The following TRUB2 variants were observed in gnomAD, a reference collection of about 807,000 sequenced individuals.
TRUB2 encodes TruB pseudouridine synthase family member 2.
A neutral mutation model predicts 31.9 loss-of-function variants in TRUB2; 31 were observed. The ratio of observed to expected loss-of-function variants is 0.97; its 90% CI spans 0.73 to 1.31. The LOEUF (loss-of-function observed/expected upper bound fraction) is 1.31, where lower values mean the gene tolerates loss of function less well. Ranked by LOEUF, TRUB2 falls within the 50% of genes most tolerant of loss-of-function variation. The probability of loss-of-function intolerance (pLI) is 0.00; values close to 1 mark genes in which losing one functional copy is unlikely to be tolerated. For synonymous variants in TRUB2, 201 were observed against 182.6 expected, an observed-to-expected ratio of 1.10 and a Z score of -0.81; for missense variants, 451 against 439.6, an observed-to-expected ratio of 1.03 and a Z score of -0.23.
intron 6 of TRUB2, chr9:128,311,314 C>A: frequency 3.2e-6 from 2 of 630,670 alleles, no homozygotes; most frequent in Non-Finnish European, 5.5e-6. Context: ...CTCAGCAGGA[C>A]AGCTTGGTTC....
At chr9:128,311,915 A>G (rs982925807) in intron 5 of TRUB2, among the ~76,000 whole-genome samples, 2 of 145,652 alleles carry the variant, frequency 1.4e-5, no homozygotes, top group Non-Finnish European at 3.0e-5. Context: ...GGCTCACTGC[A>G]AGCTCCGCCT....
chr9:128,315,227 C>G (rs1832046341), intron 4 of TRUB2, among the ~76,000 whole-genome samples: 1 of 152,126 alleles, frequency 6.6e-6, no homozygotes, highest in African/African-American at 2.4e-5. Flanking sequence ...TCTTAAAGCC[C>G]TAACAACTAC....
At chr9:128,311,633 G>A in intron 5 of TRUB2, 32 bp from the exon 6 acceptor site, 1 of 1,611,210 alleles carries the variant, frequency 6.2e-7, no homozygotes, top group Non-Finnish European at 8.5e-7. Flanking sequence ...CAATGTACAG[G>A]TACCTGCTGA....
At chr9:128,310,120 G>A (rs540975519) in intron 7 of TRUB2, among the ~76,000 whole-genome samples, 1 of 152,032 alleles carries the variant, frequency 6.6e-6, no homozygotes, top group African/African-American at 2.4e-5. Context: ...TGGCAACAGG[G>A]TCTCATTCCA....
rs76404611 is a variant in TRUB2, at chr9:128,310,286, G to A, written c.671-411C>T. Among the ~76,000 whole-genome samples, 1,568 of 151,946 alleles carry A rather than the reference G, an allele frequency of 0.01. 53 individuals are homozygous for A. The East Asian group carries it at 0.11, about 10-fold the overall frequency. On this transcript the variant is annotated intron_variant, in intron 7 of 7. Coordinates refer to ENST00000372890, the MANE Select transcript of TRUB2 (RefSeq NM_015679.3). ...TTATTTTTTGTAGAGACAGGGTCTC[G>A]CCATCTTGCCCAGGTTAGAACCTGC...
intron 3 of TRUB2, chr9:128,316,395 G>GA (rs113735138): frequency 4.2e-4 from 60 of 144,478 alleles, no homozygotes; most frequent in East Asian, 1.0e-3. Flanking sequence ...TCTGTCTCAG[G>GA]AAAAAAAAAA....
At chr9:128,309,991 T>A in intron 7 of TRUB2, 116 bp from the exon 8 acceptor site, 1 of 1,132,122 alleles carries the variant, frequency 8.8e-7, no homozygotes, top group Non-Finnish European at 1.2e-6. Context: ...GCAAGACCCC[T>A]AAGCTCTCCA....
intron 5 of TRUB2, among the ~76,000 whole-genome samples, chr9:128,312,587 T>C (rs1384181396): frequency 6.7e-6 from 1 of 149,316 alleles, no homozygotes; most frequent in Non-Finnish European, 1.5e-5. Context: ...TGCACTACCA[T>C]GCCCGGCTAA....
At chr9:128,317,349 C>G (rs1832087669) in intron 2 of TRUB2, 123 bp from the exon 3 acceptor site, 1 of 839,086 alleles carries the variant, frequency 1.2e-6, no homozygotes, top group African/African-American at 1.7e-5. Context: ...TCAGGCCAGA[C>G]TCTCAGGCTT....
At chr9:128,318,933 G>C (rs534521402) in intron 2 of TRUB2, among the ~76,000 whole-genome samples, 236 of 152,140 alleles carry the variant, frequency 1.6e-3, no homozygotes, top group African/African-American at 5.4e-3. Context: ...TATAATCCCA[G>C]CACTTTGAGA....
chr9:128,321,939 T>A (rs1040583672), intron 1 of TRUB2, among the ~76,000 whole-genome samples: 1 of 152,184 alleles, frequency 6.6e-6, no homozygotes, highest in Non-Finnish European at 1.5e-5. Flanking sequence ...ACCACGATGC[T>A]GACCAGGAAT....
intron 4 of TRUB2, among the ~76,000 whole-genome samples, chr9:128,314,741 T>C (rs1832038832): frequency 6.6e-6 from 1 of 152,096 alleles, no homozygotes; most frequent in South Asian, 2.1e-4. Context: ...ATTTTTATAA[T>C]TTAAAAAAAT....
chr9:128,315,442 T>C, intron 4 of TRUB2, 125 bp downstream of exon 4: 1 of 870,682 alleles, frequency 1.1e-6, no homozygotes, highest in South Asian at 1.5e-5. Context: ...CAGCACACGA[T>C]CATCAAAAAA....
intron 3 of TRUB2, 132 bp from the exon 4 acceptor site, chr9:128,315,760 C>A (rs1832058082): frequency 7.0e-6 from 7 of 1,007,072 alleles, no homozygotes; most frequent in Non-Finnish European, 1.1e-5. Context: ...GCAAAAAGAT[C>A]TTCTACAGGG....
intron 4 of TRUB2, among the ~76,000 whole-genome samples, chr9:128,315,335 C>G (rs1832047697): frequency 6.6e-6 from 1 of 152,202 alleles, no homozygotes; most frequent in South Asian, 2.1e-4. Flanking sequence ...GGCTGTGAGG[C>G]TTCCCTAAAG....
Position 128,321,590 on chromosome 9 carries a change from C to A in TRUB2, c.241+9G>T, listed in dbSNP as rs1832176789. 1.2e-6 allele frequency: 2 copies of A among 1,613,720 alleles called. No individual in the cohort carries two copies. Among genetic ancestry groups the A allele is most frequent in the African/African-American group, 1.3e-5 (1 of 74,894 alleles). ...GTGACACACAGGATCCTGCTTAAATCTGCCTTACCCAGTGGATGGTTGATG... is the reference window on the plus strand; with the variant it reads ...GTGACACACAGGATCCTGCTTAAATATGCCTTACCCAGTGGATGGTTGATG... On this transcript the variant is annotated intron_variant, in intron 2 of 7. Coordinates refer to ENST00000372890, the MANE Select transcript of TRUB2 (RefSeq NM_015679.3).
chr9:128,322,260 G>C (rs1284605696), intron 1 of TRUB2, 40 bp downstream of exon 1: 3 of 1,554,922 alleles, frequency 1.9e-6, no homozygotes, highest in South Asian at 1.1e-5. Context: ...ACTTCCAAGA[G>C]AACGAGAGCG....
At chr9:128,312,796 C>T (rs1588522323) in intron 5 of TRUB2, among the ~76,000 whole-genome samples, 1 of 151,572 alleles carries the variant, frequency 6.6e-6, no homozygotes, top group Admixed American at 6.6e-5. Flanking sequence ...TGTATTTTTA[C>T]TAGAGACGGG....
Position 128,316,172 on chromosome 9 carries a change from G to A in TRUB2, c.317-544C>T, listed in dbSNP as rs193163596. On this transcript the variant is annotated intron_variant, in intron 3 of 7. Transcript: ENST00000372890. ...CCAAAAAATACAAAATTAACCAGGT[G>A]TGGTGCTACACTACACTCCAGCTTG... Among the ~76,000 whole-genome samples the A allele has an allele frequency of 4.3e-4, 65 of 150,616 alleles. No individual in the cohort carries two copies. In the East Asian group the frequency reaches 0.011, roughly 26 times the overall value.
Sources: gnomAD v4.1 joint callset for allele counts (sites outside exome capture counted in the v4.1 genomes callset) on GRCh38, gnomAD v4.1.1 for gene constraint, MANE v1.5 for transcripts, NCBI Gene and HGNC (gene_info 2026-07-23, HGNC 2026-07-21) for gene names.